The following HR variants were observed in gnomAD, a reference collection of about 807,000 sequenced individuals.
HR encodes lysine-specific demethylase hairless.
HR carries 83 observed loss-of-function variants against 128.6 expected under a neutral mutation model. The observed-to-expected ratio is 0.65, with a 90% confidence interval of 0.54 to 0.77. The LOEUF is 0.77. Among genes scored for constraint, HR ranks in the 30% least tolerant of loss-of-function variants. HR has a pLI of 0.00. For missense variants in HR, 1,490 were observed against 1,574.6 expected, an observed-to-expected ratio of 0.95 and a Z score of 0.91; for synonymous variants, 681 against 658.2, an observed-to-expected ratio of 1.03 and a Z score of -0.53.
At chr8:22,128,140 T>G in intron 2 of HR, 1 of 530,744 alleles carries the variant, frequency 1.9e-6, no homozygotes, top group Non-Finnish European at 3.4e-6. Flanking sequence ...GAGTTTTAAG[T>G]GTTTTAACAT....
Position 22,121,670 on chromosome 8 carries a change from G to C in HR, c.2146C>G (p.Pro716Ala). 1 of 1,614,102 alleles carries C rather than the reference G, an allele frequency of 6.2e-7. No homozygotes were observed. Among genetic ancestry groups the C allele is most frequent in the Non-Finnish European group, 8.5e-7 (1 of 1,180,028 alleles). Residue 716 changes from proline to alanine, a missense_variant, in exon 9 of 19, where the codon CCA (proline) becomes GCA (alanine). Physicochemically the swap from Pro to Ala is conservative, Grantham distance 27. Coordinates refer to ENST00000381418, the MANE Select transcript of HR (RefSeq NM_005144.5). The part of the protein sequence containing the change: ...QQKESTQKTP[P>A]TPQPSCNGDT... ...CCATTGCAGGAAGGTTGTGGAGTTG[G>C]GGGCGTTTTCTGTGTTGATTCCTTC...
chr8:22,117,083 G>T, intron 16 of HR, 44 bp from the exon 17 acceptor site: 1 of 1,447,190 alleles, frequency 6.9e-7, no homozygotes. Flanking sequence ...GGAGGGAAGG[G>T]CAGGGCTGCA....
Position 22,119,078 on chromosome 8 carries a change from G to T in HR, c.3098-13C>A, listed in dbSNP as rs886062806. ...CCTGAAAGGAAGTCTGAGGAGGAAAGAGCGCTCAGGCAGGCCCAGGGCTGG... is the reference window on the plus strand; with the variant it reads ...CCTGAAAGGAAGTCTGAGGAGGAAATAGCGCTCAGGCAGGCCCAGGGCTGG... On this transcript the variant is annotated splice_polypyrimidine_tract_variant and intron_variant, in intron 15 of 18. Coordinates refer to ENST00000381418, the MANE Select transcript of HR (RefSeq NM_005144.5). The T allele has an allele frequency of 2.2e-5, 36 of 1,613,394 alleles. No individual in the cohort carries two copies. The highest frequency in any genetic ancestry group is 3.0e-5 in the Non-Finnish European group (35 of 1,179,910).
Position 22,125,723 on chromosome 8 carries a change from T to A in HR, c.1415A>T (p.Asp472Val). The A allele has an allele frequency of 6.2e-7, 1 of 1,613,776 alleles. No individual in the cohort carries two copies. Among genetic ancestry groups the A allele is most frequent in the South Asian group, 1.1e-5 (1 of 91,034 alleles). The change falls in exon 4 of 19, where the codon GAT (aspartate) becomes GTT (valine). Residue 472 changes from aspartate (D) to valine (V), a missense_variant. This residue lies in a region of HR where 1,060 missense variants were observed against 1,060.9 expected (regional missense o/e 1.00). Transcript: ENST00000381418. ...GQHDEQKGPQDGQASLQDPGL... is the reference protein window; with the variant it reads ...GQHDEQKGPQVGQASLQDPGL... ...CGGGTCCTGGAGACTGGCCTGGCCATCTTGGGGTCCTGAGGGGACAATGCA... is the reference window on the plus strand; with the variant it reads ...CGGGTCCTGGAGACTGGCCTGGCCAACTTGGGGTCCTGAGGGGACAATGCA...
At chr8:22,125,232 A>G (rs1337707059) in intron 5 of HR, 79 bp downstream of exon 5, 18 of 1,432,880 alleles carry the variant, frequency 1.3e-5, no homozygotes, top group Non-Finnish European at 1.6e-5. Flanking sequence ...AGGAGCTGGC[A>G]GTGTGGGTGG....
At position 22,127,450 on chromosome 8, in the gene HR, GGGTA is replaced by G; in HGVS notation, c.988_991del (p.Tyr330HisfsTer32). 1.2e-6 allele frequency: 2 copies of G among 1,611,346 alleles called. No individual in the cohort carries two copies. Among genetic ancestry groups the G allele is most frequent in the Non-Finnish European group, 1.7e-6 (2 of 1,178,380 alleles). On this transcript the variant is annotated frameshift_variant, in exon 3 of 19. Transcript: ENST00000381418. LOFTEE classifies it high-confidence loss of function. ...GCCAAGACCCCCACCTTTAGTGGGT[GGGTA>G]GGATGAACAGCAGCCCCGCTGGGTG...
In HR at chr8:22,127,549, C is replaced by A; in HGVS notation, c.893G>T (p.Gly298Val). ...CAGCTGGTACCCAAGGTTCCCATCG[C>A]CTGGCCCAGCCCAGACGTTGCCAAG... ...HTLGNVWAGP[G>V]DGNLGYQLGP... The change falls in exon 3 of 19, where the codon GGC becomes GTC. Residue 298 changes from glycine to valine, a missense_variant. Gly to Val is a moderately radical substitution (Grantham distance 109). This residue lies in a region of HR where 1,060 missense variants were observed against 1,060.9 expected (regional missense o/e 1.00). Transcript: ENST00000381418. The A allele has an allele frequency of 6.2e-7, 1 of 1,613,088 alleles. No homozygotes were observed. The highest frequency in any genetic ancestry group is 8.5e-7 in the Non-Finnish European group (1 of 1,180,002).
chr8:22,125,485 G>A lies in HR; in HGVS notation c.1576C>T (p.Leu526=), dbSNP rs1162971772. The A allele has an allele frequency of 6.2e-7, 1 of 1,613,456 alleles. No individual in the cohort carries two copies. The highest frequency in any genetic ancestry group is 1.1e-5 in the South Asian group (1 of 90,996). ...QVRRSPLGGE[L]QQEEDTATNS... Reference sequence around the variant, plus strand: ...GTGGCTGTGTCTTCCTCCTGCTGCAGCTCCCCTCCCAGAGGCGATCTGGAG... The same window carrying A: ...GTGGCTGTGTCTTCCTCCTGCTGCAACTCCCCTCCCAGAGGCGATCTGGAG... Residue 526 remains leucine (L), a synonymous_variant, in exon 5 of 19, where the codon CTG becomes TTG. Coordinates refer to ENST00000381418, the MANE Select transcript of HR (RefSeq NM_005144.5).
At chr8:22,121,884 G>T (rs564420546) in intron 8 of HR, among the ~76,000 whole-genome samples, 190 bp from the exon 9 acceptor site, 1 of 152,136 alleles carries the variant, frequency 6.6e-6, no homozygotes, top group Non-Finnish European at 1.5e-5. Flanking sequence ...CTATGATAGG[G>T]TCTATAGTCT....
intron 18 of HR, among the ~76,000 whole-genome samples, chr8:22,115,993 G>A (rs1177846049): frequency 6.6e-6 from 1 of 152,142 alleles, no homozygotes; most frequent in East Asian, 1.9e-4. Flanking sequence ...AATTTAACCA[G>A]GCATGGTGGT....
intron 1 of HR, among the ~76,000 whole-genome samples, chr8:22,129,743 G>T (rs77597941): frequency 0.049 from 7,502 of 152,292 alleles, 632 homozygotes; most frequent in African/African-American, 0.17. Flanking sequence ...GTAGCCGTGG[G>T]AAGTGCAGGC....
chr8:22,123,997 G>A (rs551014055), intron 5 of HR, among the ~76,000 whole-genome samples, 184 bp from the exon 6 acceptor site: 2 of 152,102 alleles, frequency 1.3e-5, no homozygotes, highest in Non-Finnish European at 2.9e-5. Context: ...CAGCCCTGTC[G>A]AGAGCCTCCT....
rs1322655420 is a variant in HR, at chr8:22,114,807, G to A, written c.*893C>T. On this transcript the variant is annotated 3_prime_UTR_variant, in exon 19 of 19. Transcript: ENST00000381418. ...AGTCTCTGCACAGGGAGGTCACCTC[G>A]TGGCTGTGCCCCAGGACTCTGCCTT... is the stretch of plus-strand genomic sequence containing the variant. 3 of 152,418 alleles carry A rather than the reference G, an allele frequency of 2.0e-5. No homozygotes were observed. Among genetic ancestry groups the A allele is most frequent in the Admixed American group, 6.5e-5 (1 of 15,290 alleles). The allele number at this position is 152,418 out of a possible 1,614,324, so 9.4% of individuals were successfully genotyped here. A position where few individuals can be genotyped will look rare whatever the true frequency, so the allele number is the denominator to read the frequency against.
rs746552571 is a variant in HR, at chr8:22,119,859, G to C, written c.2878C>G (p.Pro960Ala). Residue 960 changes from proline (P) to alanine (A), a missense_variant, in exon 14 of 19, where the codon CCG becomes GCG. By Grantham distance (27) the Pro-to-Ala change is conservative. This residue lies in a region of HR where 423 missense variants were observed against 495.9 expected (regional missense o/e 0.85). Coordinates refer to ENST00000381418, the MANE Select transcript of HR (RefSeq NM_005144.5). ...VENLAASLPL[P>A]EYCALHGKLN... ...TTTCCATGGAGGGCGCAGTACTCCG[G>C]AAGTGGCAGACTGGCAGCTAGGTTC... 6.2e-7 allele frequency: 1 copy of C among 1,613,794 alleles called. No individual in the cohort carries two copies. Among genetic ancestry groups the C allele is most frequent in the Admixed American group, 1.7e-5 (1 of 60,024 alleles).
intron 16 of HR, 90 bp downstream of exon 16, chr8:22,118,860 C>T (rs557452966): frequency 3.9e-5 from 44 of 1,119,980 alleles, no homozygotes; most frequent in Middle Eastern, 2.9e-4. Flanking sequence ...GGGCAGGGAG[C>T]GAGCACATGG....
intron 6 of HR, 32 bp downstream of exon 6, chr8:22,123,617 T>TGGGCGG: frequency 3.4e-6 from 1 of 292,092 alleles, no homozygotes; most frequent in Non-Finnish European, 6.2e-6. Flanking sequence ...GAGGGCTCCA[T>TGGGCGG]CCCGCCCTCC....
In HR at chr8:22,130,800, G is replaced by A. The variant is rs1317123574; in HGVS notation, c.-413C>T. 2 of 152,386 alleles carry A rather than the reference G, an allele frequency of 1.3e-5. No homozygotes were observed. The highest frequency in any genetic ancestry group is 1.9e-4 in the East Asian group (1 of 5,158). The allele number at this position is 152,386 out of a possible 1,614,324, so 9.4% of individuals were successfully genotyped here. A position where few individuals can be genotyped will look rare whatever the true frequency, so the allele number is the denominator to read the frequency against. On this transcript the variant is annotated 5_prime_UTR_variant, in exon 1 of 19. Coordinates refer to ENST00000381418, the MANE Select transcript of HR (RefSeq NM_005144.5). Reference sequence around the variant, plus strand: ...GGAGGGAGAGAAGGCGCCGGGCCGGGGGGAACACGCGCCCCGGGTCGGAGA... The same window carrying A: ...GGAGGGAGAGAAGGCGCCGGGCCGGAGGGAACACGCGCCCCGGGTCGGAGA...
chr8:22,125,295 A>G lies in HR; in HGVS notation c.1750+16T>C, dbSNP rs754712541. On this transcript the variant is annotated intron_variant, in intron 5 of 18. Coordinates refer to ENST00000381418, the MANE Select transcript of HR (RefSeq NM_005144.5). ...CCACACAGAGACCCCACGCAGACCC[A>G]GGAGGTCCTGTTCACCTTCCCGCTG... 1.7e-5 allele frequency: 27 copies of G among 1,558,128 alleles called. No individual in the cohort carries two copies. The highest frequency in any genetic ancestry group is 2.3e-5 in the Non-Finnish European group (26 of 1,151,636).
intron 6 of HR, 42 bp downstream of exon 6, chr8:22,123,607 G>C: frequency 1.0e-6 from 1 of 969,560 alleles, no homozygotes; most frequent in South Asian, 1.4e-5. Flanking sequence ...CAGTCCCCCT[G>C]AGGGCTCCAT....
Sources: gnomAD v4.1 joint callset for allele counts (sites outside exome capture counted in the v4.1 genomes callset) on GRCh38, gnomAD v4.1.1 for gene constraint, gnomAD v4.1.1 regional missense constraint, MANE v1.5 for transcripts, NCBI Gene and HGNC (gene_info 2026-07-23, HGNC 2026-07-21) for gene names.